The following GRID2IP variants were observed in gnomAD, a reference collection of about 807,000 sequenced individuals.
GRID2IP encodes delphilin.
In GRID2IP, 78 loss-of-function variants were observed where a neutral mutation model predicts 114.3. The ratio of observed to expected loss-of-function variants is 0.68; its 90% CI spans 0.57 to 0.82. The LOEUF (loss-of-function observed/expected upper bound fraction) is 0.82. Among genes scored for constraint, GRID2IP ranks in the 40% least tolerant of loss-of-function variants. The pLI is 0.00. For missense variants in GRID2IP, 1,727 were observed against 1,678.5 expected (o/e 1.03, Z -0.51); for synonymous variants, 809 against 724.0 (o/e 1.12, Z -1.89).
Position 6,506,349 on chromosome 7 carries a change from C to T in GRID2IP, c.2545-442G>A, listed in dbSNP as rs547156048. 5.3e-5 allele frequency among the ~76,000 whole-genome samples: 8 copies of T among 152,242 alleles called. No homozygotes were observed. The highest frequency in any genetic ancestry group is 3.9e-4 in the East Asian group (2 of 5,176). On this transcript the variant is annotated intron_variant, in intron 13 of 21. Transcript: ENST00000457091. This position sits in a 1 kb window ranked among gnomAD's most constrained non-coding sequence, Gnocchi z 5.2. ...CAACTGTGACAGCCTAGGGGCCAGA[C>T]GCTGGACACGTGGCTGTGATGAATG...
chr7:6,505,265 T>TG (rs1786543302), intron 14 of GRID2IP, among the ~76,000 whole-genome samples: 1 of 151,284 alleles, frequency 6.6e-6, no homozygotes, highest in South Asian at 2.1e-4. Context: ...CATTAGGAAG[T>TG]GGGGGGTGAT....
intron 7 of GRID2IP, among the ~76,000 whole-genome samples, chr7:6,515,869 T>C (rs1779286129): frequency 1.3e-5 from 2 of 151,514 alleles, no homozygotes; most frequent in Admixed American, 6.6e-5. Flanking sequence ...GAGGCTGAGG[T>C]GGGTGGATCA....
Position 6,532,178 on chromosome 7 carries a change from C to T in GRID2IP, c.585-5409G>A, listed in dbSNP as rs1562522534. ...TTGCGTGTCATGTCTCAAGGAGTCC[C>T]GACTGCCTCTGGAGAGGCCCAGAAT... is the stretch of plus-strand genomic sequence containing the variant. On this transcript the variant is annotated intron_variant, in intron 2 of 21. Transcript: ENST00000457091. The surrounding 1 kb of genome is among the most constrained non-coding windows in gnomAD (Gnocchi z 4.4). Among the ~76,000 whole-genome samples the T allele has an allele frequency of 6.6e-6, 1 of 152,082 alleles. No homozygotes were observed. The highest frequency in any genetic ancestry group is 2.4e-5 in the African/African-American group (1 of 41,392).
chr7:6,518,162 C>T (rs980764728), intron 7 of GRID2IP, among the ~76,000 whole-genome samples: 40 of 151,642 alleles, frequency 2.6e-4, no homozygotes, highest in African/African-American at 9.2e-4. Flanking sequence ...CCTGGGAGTT[C>T]GAGGCTGCAG....
In GRID2IP at chr7:6,506,327, C is replaced by A. The variant is rs1336467946; in HGVS notation, c.2545-420G>T. 6.6e-6 allele frequency among the ~76,000 whole-genome samples: 1 copy of A among 152,142 alleles called. No individual in the cohort carries two copies. Among genetic ancestry groups the A allele is most frequent in the Non-Finnish European group, 1.5e-5 (1 of 68,026 alleles). ...TGAGCTGGTGCTGAGAGAACTGCAA[C>A]TGTGACAGCCTAGGGGCCAGACGCT... is the stretch of plus-strand genomic sequence containing the variant. On this transcript the variant is annotated intron_variant, in intron 13 of 21. Coordinates refer to ENST00000457091, the MANE Select transcript of GRID2IP (RefSeq NM_001145118.2). This position sits in a 1 kb window ranked among gnomAD's most constrained non-coding sequence, Gnocchi z 5.2.
Position 6,508,138 on chromosome 7 carries a change from T to A in GRID2IP, c.2391A>T (p.Pro797=). 1 of 1,005,418 alleles carries A rather than the reference T, an allele frequency of 9.9e-7. No homozygotes were observed. The highest frequency in any genetic ancestry group is 1.4e-6 in the Non-Finnish European group (1 of 733,746). 62.3% of individuals were successfully genotyped at this position (1,005,418 alleles called of 1,614,324 possible). ...PLTQLSHPVP[P]PPPPPLPPPV... ...GTGGGGGCAGGGGCGGTGGGGGTGG[T>A]GGAGGGACTGGGTGGCTGAGTTGGG... is the stretch of plus-strand genomic sequence containing the variant. The change falls in exon 13 of 22, where the codon CCA becomes CCT. Residue 797 remains proline (P), a synonymous_variant. Transcript: ENST00000457091. This position sits in a 1 kb window ranked among gnomAD's most constrained non-coding sequence, Gnocchi z 5.6.
intron 2 of GRID2IP, among the ~76,000 whole-genome samples, chr7:6,537,961 C>G (rs1327144697): frequency 1.3e-5 from 2 of 152,196 alleles, no homozygotes; most frequent in Non-Finnish European, 2.9e-5. Context: ...AGCCTCTTAA[C>G]CTCTCCGAGC....
At chr7:6,510,855 G>T (rs1372630200) in intron 9 of GRID2IP, 53 bp downstream of exon 9, 1 of 1,524,350 alleles carries the variant, frequency 6.6e-7, no homozygotes, top group Non-Finnish European at 8.9e-7. Flanking sequence ...AGCCCATTTT[G>T]CAGGTGGGAA....
intron 1 of GRID2IP, among the ~76,000 whole-genome samples, chr7:6,541,804 A>T (rs1301821786): frequency 6.6e-6 from 1 of 152,138 alleles, no homozygotes; most frequent in Admixed American, 6.6e-5. Flanking sequence ...CTACCCAATG[A>T]TCTCACATGT....
At chr7:6,546,700 A>G (rs770019861) in intron 1 of GRID2IP, among the ~76,000 whole-genome samples, 1 of 151,842 alleles carries the variant, frequency 6.6e-6, no homozygotes, top group African/African-American at 2.4e-5. Context: ...AAAATCCTCC[A>G]CTTCCCCGTT....
At chr7:6,537,468 C>T (rs969525764) in intron 2 of GRID2IP, among the ~76,000 whole-genome samples, 6 of 144,296 alleles carry the variant, frequency 4.2e-5, no homozygotes, top group Non-Finnish European at 9.0e-5. Context: ...ACCTCCCTCT[C>T]CTGGGTTCAA....
Position 6,526,623 on chromosome 7 carries a change from A to G in GRID2IP, c.731T>C (p.Val244Ala), listed in dbSNP as rs1295057999. 3 of 1,286,602 alleles carry G rather than the reference A, an allele frequency of 2.3e-6. No homozygotes were observed. Among genetic ancestry groups the G allele is most frequent in the South Asian group, 4.1e-5 (2 of 48,782 alleles). 79.7% of individuals were successfully genotyped at this position (1,286,602 alleles called of 1,614,324 possible). ...RSEERPERLL[V>A]STRASAPPRR... Reference sequence around the variant, plus strand: ...CGGCGGGGCGCTGGCGCGCGTGGACACCAGGAGGCGCTCCGGCCGCTCCTC... The same window carrying G: ...CGGCGGGGCGCTGGCGCGCGTGGACGCCAGGAGGCGCTCCGGCCGCTCCTC... Residue 244 changes from valine to alanine, a missense_variant, in exon 3 of 22, where the codon GTG becomes GCG. Transcript: ENST00000457091. This position sits in a 1 kb window ranked among gnomAD's most constrained non-coding sequence, Gnocchi z 7.6.
chr7:6,509,653 C>G lies in GRID2IP; in HGVS notation c.1772-340G>C, dbSNP rs1001938925. 1.3e-5 allele frequency among the ~76,000 whole-genome samples: 2 copies of G among 152,154 alleles called. No homozygotes were observed. Among genetic ancestry groups the G allele is most frequent in the Admixed American group, 6.5e-5 (1 of 15,286 alleles). On this transcript the variant is annotated intron_variant, in intron 11 of 21. Transcript: ENST00000457091. This position sits in a 1 kb window ranked among gnomAD's most constrained non-coding sequence, Gnocchi z 4.9. ...CCAGAGCCACAGTCATGGAGCGTCT[C>G]GCGCACCCAGCAAGCCCTGAGATCA...
chr7:6,518,165 G>A (rs1305326666), intron 7 of GRID2IP, among the ~76,000 whole-genome samples: 2 of 152,004 alleles, frequency 1.3e-5, no homozygotes, highest in Admixed American at 6.6e-5. Context: ...GGGAGTTCGA[G>A]GCTGCAGTGA....
chr7:6,509,401 G>A lies in GRID2IP; in HGVS notation c.1772-88C>T. 8.3e-7 allele frequency: 1 copy of A among 1,206,782 alleles called. No homozygotes were observed. The highest frequency in any genetic ancestry group is 1.1e-6 in the Non-Finnish European group (1 of 898,064). 74.8% of individuals were successfully genotyped at this position (1,206,782 alleles called of 1,614,324 possible). A position where few individuals can be genotyped will look rare whatever the true frequency, so the allele number is the denominator to read the frequency against. On this transcript the variant is annotated intron_variant, in intron 11 of 21. Transcript: ENST00000457091. This position sits in a 1 kb window ranked among gnomAD's most constrained non-coding sequence, Gnocchi z 4.9. ...TGGAGAGAGGGTCCTAGGACAGACT[G>A]GCTCTGTGTCCCAGGCCACTCTCCT...
chr7:6,531,534 C>G (rs1583349484), intron 2 of GRID2IP, among the ~76,000 whole-genome samples: 1 of 152,366 alleles, frequency 6.6e-6, no homozygotes, highest in Middle Eastern at 3.4e-3. Flanking sequence ...GCCCTTTACG[C>G]TGGGCCTCCA....
intron 4 of GRID2IP, 144 bp from the exon 5 acceptor site, chr7:6,522,101 G>A: frequency 1.5e-6 from 1 of 648,836 alleles, no homozygotes; most frequent in Admixed American, 2.6e-5. Flanking sequence ...TGTAACCTCA[G>A]CACTTTGGGA....
At chr7:6,498,420 T>G (rs1216693317) in intron 20 of GRID2IP, among the ~76,000 whole-genome samples, 192 bp from the exon 21 acceptor site, 3 of 152,052 alleles carry the variant, frequency 2.0e-5, no homozygotes, top group Non-Finnish European at 4.4e-5. Context: ...GAACTCATCC[T>G]GGAACTGGCC....
At chr7:6,502,536 C>G (rs1385957183) in intron 18 of GRID2IP, among the ~76,000 whole-genome samples, 1 of 152,142 alleles carries the variant, frequency 6.6e-6, no homozygotes, top group Middle Eastern at 3.2e-3. Flanking sequence ...CTTTGACACT[C>G]TCTTTCCAAC....
Sources: gnomAD v4.1 joint callset for allele counts (sites outside exome capture counted in the v4.1 genomes callset) on GRCh38, gnomAD v4.1.1 for gene constraint, Gnocchi (gnomAD v3.1) non-coding constraint, MANE v1.5 for transcripts, NCBI Gene and HGNC (gene_info 2026-07-23, HGNC 2026-07-21) for gene names.